NUP107: variants seen among roughly 807,000 people sequenced by gnomAD.
NUP107 encodes the protein nucleoporin 107.
NUP107 carries 101 observed loss-of-function variants against 141.0 expected under a neutral mutation model. The ratio of observed to expected loss-of-function variants is 0.72; its 90% CI spans 0.61 to 0.84. NUP107 has a LOEUF of 0.84. NUP107 is among the 40% of genes least tolerant of loss of function. NUP107 has a pLI of 0.00. For synonymous variants in NUP107, 319 were observed against 363.9 expected (o/e 0.88, Z 1.41); for missense variants, 941 against 1,102.7 (o/e 0.85, Z 2.08).
At chr12:68,706,109 C>A in intron 8 of NUP107, 1 of 769,386 alleles carries the variant, frequency 1.3e-6, no homozygotes, top group Non-Finnish European at 2.4e-6. Flanking sequence ...CCAAGAGAAG[C>A]TGAAGCTGGA....
At chr12:68,711,281 G>A in intron 10 of NUP107, among the ~76,000 whole-genome samples, 1 of 152,208 alleles carries the variant, frequency 6.6e-6, no homozygotes, top group Middle Eastern at 3.4e-3. Context: ...AACCCAGGAG[G>A]CAGAGGTTGC....
In NUP107 at chr12:68,713,759, G is replaced by A. The variant is rs146007387; in HGVS notation, c.920G>A (p.Arg307Gln). The A allele has an allele frequency of 2.9e-5, 47 of 1,607,120 alleles. No homozygotes were observed. Among genetic ancestry groups the A allele is most frequent in the South Asian group, 1.6e-4 (14 of 89,490 alleles). Residue 307 changes from arginine (R) to glutamine (Q), a missense_variant, in exon 11 of 28, where the codon CGG becomes CAG. Coordinates refer to ENST00000229179, the MANE Select transcript of NUP107 (RefSeq NM_020401.4). The stretch of plus-strand genomic sequence containing the variant: ...AATACTCTGCATACCTTAAAACAAC[G>A]GCAGCTGACTTCTTACGTTGGAAGT... ...WENTLHTLKQ[R>Q]QLTSYVGSVR... is the part of the protein sequence containing the mutation.
chr12:68,722,025 A>G (rs750013104), intron 16 of NUP107, 39 bp downstream of exon 16: 4 of 1,612,506 alleles, frequency 2.5e-6, no homozygotes, highest in Non-Finnish European at 3.4e-6. Flanking sequence ...GGTGATTTGT[A>G]GCATGCTCTT....
intron 11 of NUP107, 54 bp from the exon 12 acceptor site, chr12:68,715,573 G>T: frequency 1.1e-6 from 1 of 908,524 alleles, no homozygotes. Flanking sequence ...TGTGTAAAAT[G>T]TATGTAAGTA....
chr12:68,727,156 C>T (rs1335435641), intron 19 of NUP107, among the ~76,000 whole-genome samples, 195 bp from the exon 20 acceptor site: 1 of 152,146 alleles, frequency 6.6e-6, no homozygotes, highest in Non-Finnish European at 1.5e-5. Flanking sequence ...ATAATAGTAA[C>T]TACCCAAAAA....
intron 25 of NUP107, 34 bp downstream of exon 25, chr12:68,734,867 G>A (rs1417375619): frequency 6.3e-7 from 1 of 1,597,078 alleles, no homozygotes; most frequent in Non-Finnish European, 8.5e-7. Flanking sequence ...TGTGCCTACT[G>A]CATCTTATAA....
intron 1 of NUP107, chr12:68,687,596 G>A: frequency 1.0e-6 from 1 of 986,172 alleles, no homozygotes; most frequent in South Asian, 4.7e-5. Flanking sequence ...AAAGTGGTAA[G>A]TGTTTGGGGG....
intron 2 of NUP107, among the ~76,000 whole-genome samples, 174 bp downstream of exon 2, chr12:68,689,227 A>G (rs908377021): frequency 2.0e-5 from 3 of 152,126 alleles, no homozygotes; most frequent in African/African-American, 7.2e-5. Flanking sequence ...ATTTAATGAG[A>G]TCGTATTTCC....
At chr12:68,707,059 A>T in intron 8 of NUP107, 1 of 584,642 alleles carries the variant, frequency 1.7e-6, no homozygotes, top group South Asian at 2.0e-5. Context: ...CGTCTGATGT[A>T]CTGACCAAGT....
chr12:68,727,015 A>G (rs1877596157), intron 19 of NUP107, among the ~76,000 whole-genome samples: 1 of 152,224 alleles, frequency 6.6e-6, no homozygotes, highest in Non-Finnish European at 1.5e-5. Flanking sequence ...TGAATGATAC[A>G]GTAGTTGAAA....
intron 8 of NUP107, chr12:68,705,968 T>C: frequency 1.1e-6 from 1 of 902,980 alleles, no homozygotes. Flanking sequence ...GTACAGTTCC[T>C]GCAGCAGCAG....
In NUP107 at chr12:68,745,290, CTG is replaced by C. The variant is rs1878482675; in HGVS notation, c.*2830_*2831del. 6.6e-6 allele frequency: 1 copy of C among 152,206 alleles called. No homozygotes were observed. The highest frequency in any genetic ancestry group is 6.5e-5 in the Admixed American group (1 of 15,282). 9.4% of individuals were successfully genotyped at this position (152,206 alleles called of 1,614,324 possible). A position where few individuals can be genotyped will look rare whatever the true frequency, so the allele number is the denominator to read the frequency against. On this transcript the variant is annotated 3_prime_UTR_variant, in exon 28 of 28. Coordinates refer to ENST00000229179, the MANE Select transcript of NUP107 (RefSeq NM_020401.4). Reference sequence around the variant, plus strand: ...ATGACTGCTGAATTAATCCTAGACTCTGTCTTAAAACTAAGAATTGATGTATT... The same window carrying C: ...ATGACTGCTGAATTAATCCTAGACTCTCTTAAAACTAAGAATTGATGTATT...
chr12:68,691,590 T>G (rs1875785642), intron 4 of NUP107, among the ~76,000 whole-genome samples: 1 of 152,186 alleles, frequency 6.6e-6, no homozygotes, highest in African/African-American at 2.4e-5. Context: ...TCCCAGCATT[T>G]TGGGAGGCTG....
chr12:68,715,572 T>C (rs1877066398), intron 11 of NUP107, 55 bp from the exon 12 acceptor site: 1 of 901,322 alleles, frequency 1.1e-6, no homozygotes, highest in Admixed American at 1.9e-5. Flanking sequence ...ATGTGTAAAA[T>C]GTATGTAAGT....
chr12:68,716,885 T>C (rs1877137896), intron 12 of NUP107, among the ~76,000 whole-genome samples: 1 of 152,166 alleles, frequency 6.6e-6, no homozygotes, highest in African/African-American at 2.4e-5. Context: ...TAAGCATATA[T>C]TAATTTCTTA....
chr12:68,717,317 A>C (rs948301298), intron 12 of NUP107, among the ~76,000 whole-genome samples: 1 of 152,210 alleles, frequency 6.6e-6, no homozygotes, highest in African/African-American at 2.4e-5. Flanking sequence ...GTATTTACTT[A>C]TAGCCCTTTT....
chr12:68,687,249 T>G (rs1186904411), intron 1 of NUP107, 176 bp downstream of exon 1: 1 of 885,276 alleles, frequency 1.1e-6, no homozygotes, highest in African/African-American at 1.7e-5. Flanking sequence ...CCGCTTGGCG[T>G]GCGTCGGGGT....
At position 68,744,686 on chromosome 12, in the gene NUP107, T is replaced by C. The variant is rs953617193; in HGVS notation, c.*2224T>C. On this transcript the variant is annotated 3_prime_UTR_variant, in exon 28 of 28. Coordinates refer to ENST00000229179, the MANE Select transcript of NUP107 (RefSeq NM_020401.4). ...GGCATAAGCCACTGCACCCAGCCAA[T>C]TGGACTCCTTTGAGTCCTTAGGGAG... 4.6e-5 allele frequency: 7 copies of C among 152,310 alleles called. No homozygotes were observed. Among genetic ancestry groups the C allele is most frequent in the Admixed American group, 1.3e-4 (2 of 15,290 alleles). The allele number at this position is 152,310 out of a possible 1,614,324, so 9.4% of individuals were successfully genotyped here. A position where few individuals can be genotyped will look rare whatever the true frequency, so the allele number is the denominator to read the frequency against.
chr12:68,701,392 C>G (rs1441801915), intron 7 of NUP107, among the ~76,000 whole-genome samples: 3 of 152,078 alleles, frequency 2.0e-5, no homozygotes, highest in Admixed American at 2.0e-4. Context: ...TTTAAATTAG[C>G]ACTTGTGGGC....
Sources: gnomAD v4.1 joint callset for allele counts (sites outside exome capture counted in the v4.1 genomes callset) on GRCh38, gnomAD v4.1.1 for gene constraint, MANE v1.5 for transcripts, NCBI Gene and HGNC (gene_info 2026-07-23, HGNC 2026-07-21) for gene names.